SCHIP1: variants seen among roughly 807,000 people sequenced by gnomAD.
SCHIP1 encodes the protein schwannomin interacting protein 1.
Under a neutral mutation model 29.7 loss-of-function variants are expected in SCHIP1, and 8 were observed. The observed-to-expected ratio is 0.27, with a 90% confidence interval of 0.16 to 0.49. The LOEUF (loss-of-function observed/expected upper bound fraction) is 0.49, where lower values mean the gene tolerates loss of function less well. Among genes scored for constraint, SCHIP1 ranks in the 20% least tolerant of loss-of-function variants. The pLI, the probability that SCHIP1 is intolerant of heterozygous loss-of-function variation, is 0.99. For synonymous variants in SCHIP1, 76 were observed against 94.9 expected (o/e 0.80, Z 1.16); for missense variants, 193 against 294.6 (o/e 0.66, Z 2.52).
intron 2 of SCHIP1, among the ~76,000 whole-genome samples, chr3:159,871,377 G>C (rs1212258491): frequency 7.4e-6 from 1 of 134,266 alleles, no homozygotes; most frequent in Non-Finnish European, 1.6e-5. Flanking sequence ...GTGGGGGGGG[G>C]CTTATTATAA....
At chr3:159,377,909 C>T in the SCHIP1 span, among the ~76,000 whole-genome samples, 572 of 152,232 alleles carry the variant, frequency 3.8e-3, 6 homozygotes, top group Middle Eastern at 0.02. Context: ...ACATGTACAT[C>T]TTCTGTTCCT....
chr3:159,534,832 T>G, the SCHIP1 span, among the ~76,000 whole-genome samples: 3 of 152,176 alleles, frequency 2.0e-5, no homozygotes, highest in Non-Finnish European at 2.9e-5. Flanking sequence ...ATTTGGGATA[T>G]GAAGAAAATG....
chr3:159,374,757 A>G, the SCHIP1 span, among the ~76,000 whole-genome samples: 3 of 152,162 alleles, frequency 2.0e-5, no homozygotes, highest in Non-Finnish European at 4.4e-5. Flanking sequence ...TGTACAATCA[A>G]CTAAGTATCT....
the SCHIP1 span, chr3:159,274,122 G>T: frequency 2.0e-6 from 2 of 985,300 alleles, no homozygotes; most frequent in African/African-American, 3.5e-5. Flanking sequence ...ATCTAAGTTT[G>T]AGTGTTCTTT....
the SCHIP1 span, among the ~76,000 whole-genome samples, chr3:159,568,239 A>C: frequency 6.6e-6 from 1 of 152,104 alleles, no homozygotes; most frequent in African/African-American, 2.4e-5. Flanking sequence ...ATATCATCTG[A>C]GAATAACAAT....
the SCHIP1 span, among the ~76,000 whole-genome samples, chr3:159,464,772 A>G: frequency 6.6e-6 from 1 of 152,234 alleles, no homozygotes; most frequent in African/African-American, 2.4e-5. Flanking sequence ...CATTTATCCA[A>G]ACTCATCTGT....
chr3:159,664,955 AT>A, the SCHIP1 span, among the ~76,000 whole-genome samples: 14,450 of 152,264 alleles, frequency 0.095, 1,585 homozygotes, highest in African/African-American at 0.27. Context: ...TCTGTGCTTT[AT>A]ACAAGCCCTC....
At chr3:159,811,567 C>T in the SCHIP1 span, among the ~76,000 whole-genome samples, 2 of 152,190 alleles carry the variant, frequency 1.3e-5, no homozygotes, top group East Asian at 1.9e-4. Flanking sequence ...ATTACCTTGG[C>T]ACCTTTGTCA....
the SCHIP1 span, among the ~76,000 whole-genome samples, chr3:159,812,783 G>A: frequency 1.3e-5 from 2 of 152,032 alleles, no homozygotes; most frequent in Admixed American, 6.6e-5. Context: ...ATTTTCTGTT[G>A]CCATAACCGA....
At chr3:159,390,485 T>A in the SCHIP1 span, among the ~76,000 whole-genome samples, 3 of 151,940 alleles carry the variant, frequency 2.0e-5, no homozygotes, top group African/African-American at 7.3e-5. Flanking sequence ...TCAACACAGA[T>A]CTAAGATAAA....
the SCHIP1 span, among the ~76,000 whole-genome samples, chr3:159,708,943 T>A: frequency 6.6e-6 from 1 of 152,164 alleles, no homozygotes; most frequent in East Asian, 1.9e-4. Flanking sequence ...CTCCCTCCAT[T>A]TTCTGCGAGT....
chr3:159,607,723 G>T, the SCHIP1 span, among the ~76,000 whole-genome samples: 1 of 152,110 alleles, frequency 6.6e-6, no homozygotes, highest in Non-Finnish European at 1.5e-5. Flanking sequence ...AGCTTGAAGA[G>T]AACAGGAGCC....
the SCHIP1 span, among the ~76,000 whole-genome samples, chr3:159,405,488 A>G: frequency 3.9e-5 from 6 of 152,260 alleles, no homozygotes; most frequent in Non-Finnish European, 8.8e-5. Flanking sequence ...CTGGAGTTGA[A>G]AAATACAATT....
At chr3:159,503,548 T>C in the SCHIP1 span, among the ~76,000 whole-genome samples, 1 of 152,194 alleles carries the variant, frequency 6.6e-6, no homozygotes, top group Non-Finnish European at 1.5e-5. Flanking sequence ...CATGAGGGGA[T>C]CTCCTTGGTC....
chr3:159,606,429 C>G, the SCHIP1 span, among the ~76,000 whole-genome samples: 1 of 152,168 alleles, frequency 6.6e-6, no homozygotes, highest in Non-Finnish European at 1.5e-5. Flanking sequence ...TTATCTCCAA[C>G]CAGCCCACAG....
the SCHIP1 span, among the ~76,000 whole-genome samples, chr3:159,828,400 T>TATATATAC: frequency 4.0e-5 from 2 of 50,032 alleles, 1 homozygote; most frequent in South Asian, 1.3e-3. Flanking sequence ...TATATACGTA[T>TATATATAC]ATATATACGT....
At chr3:159,298,709 G>A in the SCHIP1 span, among the ~76,000 whole-genome samples, 5 of 152,058 alleles carry the variant, frequency 3.3e-5, no homozygotes, top group African/African-American at 4.8e-5. Context: ...AGAAGCCTCC[G>A]TGAAGAACAA....
At chr3:159,646,897 C>T in the SCHIP1 span, among the ~76,000 whole-genome samples, 1 of 151,958 alleles carries the variant, frequency 6.6e-6, no homozygotes, top group African/African-American at 2.4e-5. Flanking sequence ...AAAAGAGACC[C>T]AGGACCCAGG....
At chr3:159,655,960 T>C in the SCHIP1 span, among the ~76,000 whole-genome samples, 1 of 152,346 alleles carries the variant, frequency 6.6e-6, no homozygotes, top group South Asian at 2.1e-4. Flanking sequence ...ATGGACTAGT[T>C]CTTCAAGGAT....
Sources: gnomAD v4.1 joint callset for allele counts (sites outside exome capture counted in the v4.1 genomes callset) on GRCh38, gnomAD v4.1.1 for gene constraint, MANE v1.5 for transcripts, NCBI Gene and HGNC (gene_info 2026-07-23, HGNC 2026-07-21) for gene names.